The following AP3B2 variants were observed in gnomAD, a reference collection of about 807,000 sequenced individuals.
AP3B2 encodes the protein AP-3 complex subunit beta-2.
A neutral mutation model predicts 126.9 loss-of-function variants in AP3B2; 50 were observed. That is an observed-to-expected ratio of 0.39 (90% CI 0.31 to 0.50). AP3B2 has a LOEUF of 0.50. Ranked by LOEUF, AP3B2 falls within the 20% of genes least tolerant of loss-of-function variation. The pLI is 0.79. For synonymous variants in AP3B2, 541 were observed against 565.0 expected (o/e 0.96, Z 0.60); for missense variants, 1,177 against 1,426.4 (o/e 0.83, Z 2.82).
intron 1 of AP3B2, among the ~76,000 whole-genome samples, chr15:82,696,697 G>GC (rs2048633009): frequency 6.6e-6 from 1 of 152,216 alleles, no homozygotes; most frequent in South Asian, 2.1e-4. Context: ...ACAGCCCTGA[G>GC]CTGTTGCTCC....
chr15:82,699,787 A>G (rs1035866982), intron 1 of AP3B2: 11 of 399,204 alleles, frequency 2.8e-5, no homozygotes, highest in Non-Finnish European at 4.4e-5. Context: ...GGGAGCCAGC[A>G]CAGGGCTAGC....
intron 1 of AP3B2, chr15:82,697,770 C>G (rs1331111849): frequency 6.6e-6 from 1 of 151,760 alleles, no homozygotes; most frequent in Non-Finnish European, 1.5e-5. Flanking sequence ...CTGAAACTCC[C>G]TCACCTGGGG....
At chr15:82,702,427 C>T (rs934390892) in intron 1 of AP3B2, among the ~76,000 whole-genome samples, 1 of 152,150 alleles carries the variant, frequency 6.6e-6, no homozygotes, top group Non-Finnish European at 1.5e-5. Context: ...GTGACCTGCA[C>T]GTATATATCC....
chr15:82,693,077 G>C (rs921976214), intron 1 of AP3B2, among the ~76,000 whole-genome samples: 11 of 151,988 alleles, frequency 7.2e-5, no homozygotes, highest in African/African-American at 2.7e-4. Flanking sequence ...ACCACGAGAC[G>C]ATGATAAAAG....
At chr15:82,676,357 A>G (rs1015004605) in intron 14 of AP3B2, 104 bp downstream of exon 14, 9 of 1,244,364 alleles carry the variant, frequency 7.2e-6, no homozygotes, top group Admixed American at 2.6e-5. Context: ...TTCTTTTCCA[A>G]AATAGGAGCT....
At chr15:82,671,763 G>T (rs2048163378) in intron 14 of AP3B2, among the ~76,000 whole-genome samples, 1 of 147,192 alleles carries the variant, frequency 6.8e-6, no homozygotes, top group South Asian at 2.2e-4. Context: ...CTACAAATAG[G>T]CCAGGTGCAG....
intron 12 of AP3B2, 115 bp downstream of exon 12, chr15:82,677,556 C>G (rs770520636): frequency 2.8e-6 from 4 of 1,415,622 alleles, no homozygotes; most frequent in Non-Finnish European, 3.8e-6. Flanking sequence ...ACAGACAGAC[C>G]AATGGATACA....
At chr15:82,702,897 AG>A (rs1341369183) in intron 1 of AP3B2, among the ~76,000 whole-genome samples, 2 of 152,168 alleles carry the variant, frequency 1.3e-5, no homozygotes, top group African/African-American at 4.8e-5. Context: ...AACCAGCCTG[AG>A]GAACATCTCA....
rs150141221 is a variant in AP3B2, at chr15:82,705,735, G to C, written c.113+3859C>G. On this transcript the variant is annotated intron_variant, in intron 1 of 26. Coordinates refer to ENST00000535359, the MANE Select transcript of AP3B2 (RefSeq NM_001278512.2). ...CGTGCTCTCCCTGCTGATCATGTCC[G>C]GCTAATCTCCCGAACCCCAATCCCT... 6.8e-3 allele frequency among the ~76,000 whole-genome samples: 1,029 copies of C among 152,172 alleles called. 7 individuals are homozygous for C. Among genetic ancestry groups the C allele is most frequent in the African/African-American group, 0.023 (961 of 41,482 alleles).
chr15:82,682,047 C>CTTTTTTTTT lies in AP3B2; in HGVS notation c.361-476_361-468dup, dbSNP rs769028602. On this transcript the variant is annotated intron_variant, in intron 4 of 26. Coordinates refer to ENST00000535359, the MANE Select transcript of AP3B2 (RefSeq NM_001278512.2). ...AACAAAATAGGGGTGTAGGCCCTTC[C>CTTTTTTTTT]TTTTTTTTTTTTTTTTTTTTTTTGA... Among the ~76,000 whole-genome samples the CTTTTTTTTT allele has an allele frequency of 6.0e-4, 48 of 79,920 alleles. 3 individuals are homozygous for CTTTTTTTTT. Among genetic ancestry groups the CTTTTTTTTT allele is most frequent in the African/African-American group, 1.9e-3 (35 of 18,198 alleles). 52.4% of individuals were successfully genotyped at this position (79,920 alleles called of 152,430 possible).
chr15:82,684,164 T>TCAACATTCAATATTGTTGTGTCTCAGG (rs2048389247), intron 4 of AP3B2, among the ~76,000 whole-genome samples: 1 of 152,204 alleles, frequency 6.6e-6, no homozygotes, highest in African/African-American at 2.4e-5. Context: ...AGCCAGGCAT[T>TCAACATTCAATATTGTTGTGTCTCAGG]GACTTCTCTC....
intron 1 of AP3B2, chr15:82,699,579 C>A: frequency 2.5e-6 from 1 of 399,512 alleles, no homozygotes; most frequent in South Asian, 1.3e-4. Context: ...TGCAACTGCC[C>A]ATCCCTGGCC....
intron 1 of AP3B2, among the ~76,000 whole-genome samples, chr15:82,706,226 C>T (rs1408171454): frequency 2.0e-5 from 3 of 152,144 alleles, no homozygotes; most frequent in African/African-American, 4.8e-5. Flanking sequence ...TCACACCTGA[C>T]GCATATACTT....
chr15:82,671,279 C>T (rs138428064), intron 14 of AP3B2, among the ~76,000 whole-genome samples: 183 of 151,952 alleles, frequency 1.2e-3, no homozygotes, highest in African/African-American at 4.2e-3. Context: ...AGCAAGACTC[C>T]GTCTCAAAAA....
Position 82,677,574 on chromosome 15 carries a change from T to C in AP3B2, c.1378+97A>G. 2.8e-6 allele frequency: 4 copies of C among 1,451,398 alleles called. No homozygotes were observed. The South Asian group carries it at 4.2e-5, about 15-fold the overall frequency. The allele number at this position is 1,451,398 out of a possible 1,614,324, so 89.9% of individuals were successfully genotyped here. On this transcript the variant is annotated intron_variant, in intron 12 of 26. Transcript: ENST00000535359. ...GACAGACCAATGGATACACATTGTG[T>C]CTAGGCAGACTGGTGGATATCCAGT...
intron 4 of AP3B2, among the ~76,000 whole-genome samples, chr15:82,682,638 C>T (rs2048359348): frequency 1.3e-5 from 2 of 151,806 alleles, no homozygotes; most frequent in Non-Finnish European, 2.9e-5. Context: ...ATCACTTGAG[C>T]CCAGGGAGTT....
In AP3B2 at chr15:82,677,691, T is replaced by A; in HGVS notation, c.1358A>T (p.Gln453Leu). ...CTGACCATCACGGTTGGACAGCAGC[T>A]GCACCAGGCCATTGAGGCAGGTGTC... Reference protein sequence around the residue: ...VRDTCLNGLVQLLSNRDELVV... With the variant: ...VRDTCLNGLVLLLSNRDELVV... The change falls in exon 12 of 27, where the codon CAG (glutamine) becomes CTG (leucine). Residue 453 changes from glutamine to leucine, a missense_variant. Around this residue, in one of 5 missense-constraint regions of AP3B2, gnomAD observed 308 missense variants for 452.4 expected, o/e 0.68. Coordinates refer to ENST00000535359, the MANE Select transcript of AP3B2 (RefSeq NM_001278512.2). The A allele has an allele frequency of 6.4e-7, 1 of 1,574,558 alleles. No homozygotes were observed. The highest frequency in any genetic ancestry group is 8.6e-7 in the Non-Finnish European group (1 of 1,159,794).
rs1160185652 is a variant in AP3B2, at chr15:82,666,782, G to A, written c.1817C>T (p.Pro606Leu). 6.2e-7 allele frequency: 1 copy of A among 1,613,996 alleles called. No individual in the cohort carries two copies. Among genetic ancestry groups the A allele is most frequent in the Admixed American group, 1.7e-5 (1 of 60,022 alleles). Reference sequence around the variant, plus strand: ...TGACTCCAAGACTGGAGCTGGTTTGGGTGCCAGGAAGAGCTTCTTGGCATG... The same window carrying A: ...TGACTCCAAGACTGGAGCTGGTTTGAGTGCCAGGAAGAGCTTCTTGGCATG... ...SRHAKKLFLAPKPAPVLESSF... is the reference protein window; with the variant it reads ...SRHAKKLFLALKPAPVLESSF... The change falls in exon 15 of 27, where the codon CCC becomes CTC. Residue 606 changes from proline (P) to leucine (L), a missense_variant. This residue lies in a region of AP3B2 where 308 missense variants were observed against 452.4 expected (regional missense o/e 0.68). Coordinates refer to ENST00000535359, the MANE Select transcript of AP3B2 (RefSeq NM_001278512.2).
Position 82,666,888 on chromosome 15 carries a change from G to T in AP3B2, c.1711C>A (p.Gln571Lys). ...QYVLSLAKYD[Q>K]NYDIRDRARF... ...GCCCGGTCGCGAATATCATAGTTCT[G>T]GTCATATTTGGCCAGACTCAGCACA... is the stretch of plus-strand genomic sequence containing the variant. The change falls in exon 15 of 27, where the codon CAG becomes AAG. Residue 571 changes from glutamine to lysine, a missense_variant. This residue lies in a region of AP3B2 where 308 missense variants were observed against 452.4 expected (regional missense o/e 0.68). Transcript: ENST00000535359. 6.2e-7 allele frequency: 1 copy of T among 1,613,928 alleles called. No individual in the cohort carries two copies. The highest frequency in any genetic ancestry group is 8.5e-7 in the Non-Finnish European group (1 of 1,179,848).
Sources: allele counts gnomAD v4.1 joint callset (sites outside exome capture counted in the v4.1 genomes callset), GRCh38; gene constraint gnomAD v4.1.1; regional missense constraint gnomAD v4.1.1; transcripts MANE v1.5; gene names NCBI Gene and HGNC (gene_info 2026-07-23, HGNC 2026-07-21).